SH3PXD2B: variants seen among roughly 807,000 people sequenced by gnomAD.
SH3PXD2B encodes the protein SH3 and PX domains 2B.
In SH3PXD2B, 37 loss-of-function variants were observed where a neutral mutation model predicts 73.1. The ratio of observed to expected loss-of-function variants is 0.51; its 90% CI spans 0.39 to 0.67. SH3PXD2B has a LOEUF of 0.67. SH3PXD2B is among the 30% of genes least tolerant of loss of function. SH3PXD2B has a pLI of 0.00. For missense variants in SH3PXD2B, 1,053 were observed against 1,197.8 expected (o/e 0.88, Z 1.78); for synonymous variants, 457 against 480.5 (o/e 0.95, Z 0.64).
intron 12 of SH3PXD2B, among the ~76,000 whole-genome samples, chr5:172,326,344 A>G (rs1756447709): frequency 1.3e-5 from 2 of 152,236 alleles, no homozygotes; most frequent in South Asian, 4.1e-4. Context: ...GGATGTTCAT[A>G]AACGTTACAT....
At position 172,353,781 on chromosome 5, in the gene SH3PXD2B, G is replaced by C; in HGVS notation, c.785+107C>G. On this transcript the variant is annotated intron_variant, in intron 9 of 12. Transcript: ENST00000311601. The surrounding 1 kb of genome is among the most constrained non-coding windows in gnomAD (Gnocchi z 4.3). ...ATGGTTCAGGCGGAAACTTCGCCCA[G>C]ATGCAATCACTTACCGACCTCTGTG... is the stretch of plus-strand genomic sequence containing the variant. 1.1e-6 allele frequency: 1 copy of C among 876,898 alleles called. No individual in the cohort carries two copies. The allele number at this position is 876,898 out of a possible 1,614,324, so 54.3% of individuals were successfully genotyped here.
Position 172,405,322 on chromosome 5 carries a change from G to A in SH3PXD2B, c.232+955C>T, listed in dbSNP as rs1758526755. 2.0e-5 allele frequency among the ~76,000 whole-genome samples: 3 copies of A among 152,228 alleles called. No homozygotes were observed. In the South Asian group the frequency reaches 6.2e-4, roughly 31 times the overall value. ...TTGTATATGTGACGAGCTATTATAT[G>A]CCTTCCGTTCACTTTAGAAGAGGGA... On this transcript the variant is annotated intron_variant, in intron 3 of 12. Coordinates refer to ENST00000311601, the MANE Select transcript of SH3PXD2B (RefSeq NM_001017995.3).
rs143940296 is a variant in SH3PXD2B, at chr5:172,338,895, T to A, written c.2210A>T (p.Asp737Val). The change falls in exon 13 of 13, where the codon GAT becomes GTT. Residue 737 changes from aspartate (D) to valine (V), a missense_variant. Coordinates refer to ENST00000311601, the MANE Select transcript of SH3PXD2B (RefSeq NM_001017995.3). The surrounding 1 kb of genome is among the most constrained non-coding windows in gnomAD (Gnocchi z 5.1). ...RAPPRPAKTT[D>V]PVSKSVPVPL... ...AACAGGCACGCTCTTAGACACAGGATCTGTGGTCTTGGCTGGCCTCGGAGG... is the reference window on the plus strand; with the variant it reads ...AACAGGCACGCTCTTAGACACAGGAACTGTGGTCTTGGCTGGCCTCGGAGG... 72 of 1,613,714 alleles carry A rather than the reference T, an allele frequency of 4.5e-5. No individual in the cohort carries two copies. Among genetic ancestry groups the A allele is most frequent in the Non-Finnish European group, 5.8e-5 (69 of 1,179,770 alleles).
intron 5 of SH3PXD2B, among the ~76,000 whole-genome samples, chr5:172,379,612 C>T (rs1757897859): frequency 6.6e-6 from 1 of 152,196 alleles, no homozygotes; most frequent in African/African-American, 2.4e-5. Flanking sequence ...AGAGACAGCG[C>T]TGGAATAAAG....
intron 2 of SH3PXD2B, among the ~76,000 whole-genome samples, chr5:172,408,615 T>C (rs996778361): frequency 6.8e-6 from 1 of 147,796 alleles, no homozygotes; most frequent in African/African-American, 2.5e-5. Flanking sequence ...CTTGGTTCAC[T>C]GCAACCTCCA....
chr5:172,439,692 G>GCA (rs367799974), intron 1 of SH3PXD2B, among the ~76,000 whole-genome samples: 4,301 of 138,528 alleles, frequency 0.031, 99 homozygotes, highest in South Asian at 0.082. Flanking sequence ...GCACGCGCGC[G>GCA]CACACACACA....
chr5:172,326,908 G>A (rs897645060), intron 12 of SH3PXD2B, among the ~76,000 whole-genome samples: 3 of 144,466 alleles, frequency 2.1e-5, no homozygotes, highest in South Asian at 2.2e-4. Context: ...CCAAGCTGGT[G>A]TGAAGTGGCA....
intron 1 of SH3PXD2B, among the ~76,000 whole-genome samples, 197 bp downstream of exon 1, chr5:172,454,081 G>A (rs1759867463): frequency 7.0e-6 from 1 of 143,540 alleles, no homozygotes; most frequent in African/African-American, 2.5e-5. Context: ...GGGAGAACGA[G>A]GCAAAAGCGG....
In SH3PXD2B at chr5:172,406,289, G is replaced by C; in HGVS notation, c.220C>G (p.Pro74Ala). ...CCATCTCACCTACCTGGCAGAAAGG[G>C]GATGATCCGCTGCTTGGGGTCCTTC... ...GQKDPKQRII[P>A]FLPGKILFRR... Residue 74 changes from proline (P) to alanine (A), a missense_variant, in exon 3 of 13, where the codon CCC (proline) becomes GCC (alanine). Physicochemically the swap from Pro to Ala is conservative, Grantham distance 27. Around this residue, in one of 2 missense-constraint regions of SH3PXD2B, gnomAD observed 466 missense variants for 607.1 expected, o/e 0.77. Transcript: ENST00000311601. The C allele has an allele frequency of 6.2e-7, 1 of 1,614,010 alleles. No individual in the cohort carries two copies. Among genetic ancestry groups the C allele is most frequent in the Non-Finnish European group, 8.5e-7 (1 of 1,179,982 alleles).
intron 4 of SH3PXD2B, among the ~76,000 whole-genome samples, chr5:172,387,873 T>C (rs968345828): frequency 1.3e-5 from 2 of 152,258 alleles, no homozygotes; most frequent in African/African-American, 4.8e-5. Flanking sequence ...CTAGAGATTA[T>C]AAATATATTT....
intron 1 of SH3PXD2B, 46 bp downstream of exon 1, chr5:172,454,232 G>C: frequency 1.9e-6 from 3 of 1,551,066 alleles, no homozygotes; most frequent in African/African-American, 1.4e-5. Context: ...GGTCGCCCCC[G>C]ACGGGGCGCG....
Position 172,335,880 on chromosome 5 carries a change from G to A in SH3PXD2B, c.*2489C>T. 1 of 1,221,850 alleles carries A rather than the reference G, an allele frequency of 8.2e-7. No individual in the cohort carries two copies. The highest frequency in any genetic ancestry group is 1.0e-6 in the Non-Finnish European group (1 of 982,240). The allele number at this position is 1,221,850 out of a possible 1,614,324, so 75.7% of individuals were successfully genotyped here. A position where few individuals can be genotyped will look rare whatever the true frequency, so the allele number is the denominator to read the frequency against. ...TCAAGGAGAGAACAGTGAACAGAGAGGACTGTGGCTTCAGTACCCGCGGGT... is the reference window on the plus strand; with the variant it reads ...TCAAGGAGAGAACAGTGAACAGAGAAGACTGTGGCTTCAGTACCCGCGGGT... On this transcript the variant is annotated 3_prime_UTR_variant, in exon 13 of 13. Transcript: ENST00000311601.
chr5:172,374,421 C>T (rs1327982896), intron 5 of SH3PXD2B, among the ~76,000 whole-genome samples: 1 of 152,238 alleles, frequency 6.6e-6, no homozygotes, highest in South Asian at 2.1e-4. Context: ...GTGCTTCACG[C>T]CTGTAATCCC....
intron 1 of SH3PXD2B, among the ~76,000 whole-genome samples, chr5:172,453,250 C>T (rs1259089753): frequency 6.6e-6 from 1 of 152,072 alleles, no homozygotes; most frequent in Non-Finnish European, 1.5e-5. Flanking sequence ...ACTCTTTTTC[C>T]CTTCCTGGTT....
At position 172,336,682 on chromosome 5, in the gene SH3PXD2B, G is replaced by A; in HGVS notation, c.*1687C>T. ...GAACACTGTGAACTGGAGATCTCTG[G>A]GGCAGGGCAGGGTGGGGAGGGGCGG... is the stretch of plus-strand genomic sequence containing the variant. On this transcript the variant is annotated 3_prime_UTR_variant, in exon 13 of 13. Coordinates refer to ENST00000311601, the MANE Select transcript of SH3PXD2B (RefSeq NM_001017995.3). 1.0e-6 allele frequency: 1 copy of A among 984,906 alleles called. No homozygotes were observed. Among genetic ancestry groups the A allele is most frequent in the Non-Finnish European group, 1.2e-6 (1 of 829,356 alleles). The allele number at this position is 984,906 out of a possible 1,614,324, so 61.0% of individuals were successfully genotyped here. A position where few individuals can be genotyped will look rare whatever the true frequency, so the allele number is the denominator to read the frequency against.
chr5:172,420,274 T>G (rs1758931232), intron 2 of SH3PXD2B, among the ~76,000 whole-genome samples: 1 of 152,244 alleles, frequency 6.6e-6, no homozygotes, highest in Non-Finnish European at 1.5e-5. Context: ...TTTGATATTA[T>G]TGCATACTGA....
intron 6 of SH3PXD2B, among the ~76,000 whole-genome samples, chr5:172,372,018 T>A (rs2113350007): frequency 6.6e-6 from 1 of 152,320 alleles, no homozygotes; most frequent in East Asian, 1.9e-4. Context: ...AGGCTGAAGT[T>A]AATTCTCGAC....
At chr5:172,430,117 G>C (rs1199882281) in intron 1 of SH3PXD2B, among the ~76,000 whole-genome samples, 1 of 152,242 alleles carries the variant, frequency 6.6e-6, no homozygotes, top group Non-Finnish European at 1.5e-5. Context: ...GATGAAATGA[G>C]AACATGCATG....
At chr5:172,380,808 T>C (rs1757926656) in intron 5 of SH3PXD2B, among the ~76,000 whole-genome samples, 1 of 152,242 alleles carries the variant, frequency 6.6e-6, no homozygotes, top group Admixed American at 6.5e-5. Flanking sequence ...GCGCTCACTA[T>C]GAGAAGCTGT....
Sources: gnomAD v4.1 joint callset for allele counts (sites outside exome capture counted in the v4.1 genomes callset) on GRCh38, gnomAD v4.1.1 for gene constraint, gnomAD v4.1.1 regional missense constraint, Gnocchi (gnomAD v3.1) non-coding constraint, MANE v1.5 for transcripts, NCBI Gene and HGNC (gene_info 2026-07-23, HGNC 2026-07-21) for gene names.